Variants in E2F8 observed in about 807,000 individuals in gnomAD.
E2F8 encodes the protein transcription factor E2F8.
A neutral mutation model predicts 80.8 loss-of-function variants in E2F8; 35 were observed. The ratio of observed to expected loss-of-function variants is 0.43; its 90% CI spans 0.33 to 0.57. The LOEUF is 0.57. Among genes scored for constraint, E2F8 ranks in the 20% least tolerant of loss-of-function variants. The probability of loss-of-function intolerance (pLI) is 0.04; values close to 1 mark genes in which losing one functional copy is unlikely to be tolerated. For missense variants in E2F8, 975 were observed against 1,056.2 expected (o/e 0.92, Z 1.07); for synonymous variants, 386 against 395.0 (o/e 0.98, Z 0.27).
chr11:19,230,555 A>T, intron 8 of E2F8, 76 bp downstream of exon 8: 3 of 1,498,904 alleles, frequency 2.0e-6, no homozygotes, highest in Non-Finnish European at 2.8e-6. Context: ...CAACTATTGC[A>T]AGGATCAAGT....
intron 7 of E2F8, 34 bp from the exon 8 acceptor site, chr11:19,230,868 G>A (rs766283931): frequency 3.1e-6 from 5 of 1,606,032 alleles, no homozygotes; most frequent in South Asian, 2.2e-5. Context: ...TTAAAACCTG[G>A]ATGGCTCAGT....
rs1357241199 is a variant in E2F8, at chr11:19,230,810, G to A, written c.1091C>T (p.Thr364Ile). The part of the protein sequence containing the change: ...TSGSSPVIHF[T>I]PSDLEVRRSS... ...CCGTCTCACCTCCAAATCAGAGGGA[G>A]TAAAATGAATGACTGGGCTGGAGCC... Residue 364 changes from threonine to isoleucine, a missense_variant, in exon 8 of 13, where the codon ACT becomes ATT. Physicochemically the swap from Thr to Ile is moderately conservative, Grantham distance 89 (BLOSUM62 -1). Transcript: ENST00000250024. 6.2e-7 allele frequency: 1 copy of A among 1,614,010 alleles called. No homozygotes were observed. The highest frequency in any genetic ancestry group is 8.5e-7 in the Non-Finnish European group (1 of 1,179,998).
Position 19,229,913 on chromosome 11 carries a change from T to TG in E2F8, c.1433dup (p.Val479SerfsTer4). Reference sequence around the variant, plus strand: ...CTGTCAGCTCCATCTCAGCATTCACTGGGGGGTCCAGAGGGGCTACTGGTT... The same window carrying TG: ...CTGTCAGCTCCATCTCAGCATTCACTGGGGGGGTCCAGAGGGGCTACTGGTT... On this transcript the variant is annotated frameshift_variant, in exon 10 of 13. Coordinates refer to ENST00000250024, the MANE Select transcript of E2F8 (RefSeq NM_024680.4). LOFTEE classifies it high-confidence loss of function. This position sits in a 1 kb window ranked among gnomAD's most constrained non-coding sequence, Gnocchi z 4.3. 3 of 1,614,070 alleles carry TG rather than the reference T, an allele frequency of 1.9e-6. No individual in the cohort carries two copies. The highest frequency in any genetic ancestry group is 1.7e-6 in the Non-Finnish European group (2 of 1,180,010).
intron 6 of E2F8, 89 bp from the exon 7 acceptor site, chr11:19,232,460 G>T: frequency 2.6e-6 from 3 of 1,154,768 alleles, no homozygotes; most frequent in Non-Finnish European, 3.7e-6. Flanking sequence ...TATTCTAAGA[G>T]CTGTCTTAAC....
chr11:19,233,711 A>G (rs554947967), intron 6 of E2F8, among the ~76,000 whole-genome samples: 2 of 151,830 alleles, frequency 1.3e-5, no homozygotes, highest in Non-Finnish European at 2.9e-5. Flanking sequence ...GTTGGTCTGG[A>G]TCTCCTGACC....
chr11:19,241,057 A>G (rs1302914607), upstream of E2F8: 1 of 152,142 alleles, frequency 6.6e-6, no homozygotes, highest in African/African-American at 2.4e-5. The surrounding 1 kb of genome is among the most constrained non-coding windows in gnomAD (Gnocchi z 4.5). Flanking sequence ...ACAATTCCCG[A>G]CCAATCAGAG....
At position 19,225,413 on chromosome 11, in the gene E2F8, G is replaced by A. The variant is rs928197739; in HGVS notation, c.2229C>T (p.Leu743=). Residue 743 remains leucine (L), a synonymous_variant, in exon 12 of 13, where the codon CTC becomes CTT. Transcript: ENST00000250024. ...CAGACAACTGCACATTGGGTGAGATGAGTCCCAGGTGCTGCAGGGTGAAGT... is the reference window on the plus strand; with the variant it reads ...CAGACAACTGCACATTGGGTGAGATAAGTCCCAGGTGCTGCAGGGTGAAGT... ...IVNFTLQHLG[L]ISPNVQLSAS... 1.9e-6 allele frequency: 3 copies of A among 1,614,236 alleles called. No individual in the cohort carries two copies. Among genetic ancestry groups the A allele is most frequent in the East Asian group, 2.2e-5 (1 of 44,878 alleles).
At chr11:19,225,150 A>G (rs1276781360) in intron 12 of E2F8, 71 bp downstream of exon 12, 10 of 1,536,330 alleles carry the variant, frequency 6.5e-6, no homozygotes, top group South Asian at 2.6e-5. Flanking sequence ...GCAAAAGCCA[A>G]TCTCTTATGA....
In E2F8 at chr11:19,225,482, T is replaced by G; in HGVS notation, c.2160A>C (p.Ser720=). 1 of 1,614,112 alleles carries G rather than the reference T, an allele frequency of 6.2e-7. No individual in the cohort carries two copies. The part of the protein sequence containing the change: ...VPVGNSPALA[S]SHPVPIQNPS... ...GGTTCTGGATGGGAACAGGGTGGCT[T>G]GAAGCGAGAGCCGGGCTGTTCCCGA... The change falls in exon 12 of 13, where the codon TCA becomes TCC. Residue 720 remains serine (S), a synonymous_variant. Coordinates refer to ENST00000250024, the MANE Select transcript of E2F8 (RefSeq NM_024680.4).
intron 8 of E2F8, 38 bp downstream of exon 8, chr11:19,230,593 T>A: frequency 6.3e-7 from 1 of 1,597,538 alleles, no homozygotes; most frequent in Non-Finnish European, 8.6e-7. Context: ...TAAAAGGGAA[T>A]TCTTCCTAGC....
At chr11:19,232,717 A>G (rs1301223561) in intron 6 of E2F8, among the ~76,000 whole-genome samples, 2 of 152,220 alleles carry the variant, frequency 1.3e-5, no homozygotes, top group Non-Finnish European at 2.9e-5. Context: ...GAGGATTCAG[A>G]AGAATTTTAT....
intron 10 of E2F8, among the ~76,000 whole-genome samples, chr11:19,227,598 A>G (rs1326307476): frequency 1.3e-5 from 2 of 152,254 alleles, no homozygotes; most frequent in African/African-American, 4.8e-5. Flanking sequence ...CTTCTAGCCT[A>G]CAGTAGCCCT....
At chr11:19,234,647 G>T in intron 5 of E2F8, 97 bp downstream of exon 5, 3 of 1,525,426 alleles carry the variant, frequency 2.0e-6, no homozygotes, top group Non-Finnish European at 1.8e-6. Context: ...GAACATTAAA[G>T]GCAGCAGTAG....
At chr11:19,238,171 A>G (rs755234550) in intron 2 of E2F8, 39 bp from the exon 3 acceptor site, 2 of 1,564,848 alleles carry the variant, frequency 1.3e-6, no homozygotes. Flanking sequence ...CCATGGTAAA[A>G]CAGGATTTAT....
chr11:19,238,177 T>C, intron 2 of E2F8, 45 bp from the exon 3 acceptor site: 1 of 1,549,422 alleles, frequency 6.5e-7, no homozygotes, highest in Non-Finnish European at 8.7e-7. Context: ...TAAAACAGGA[T>C]TTATCAGACA....
rs768895278 is a variant in E2F8 at position 19,225,463 on chromosome 11, G to T, written c.2179C>A (p.Gln727Lys). ...TTTACAATGGCTGAGCTTGGGTTCT[G>T]GATGGGAACAGGGTGGCTTGAAGCG... ...ALASSHPVPIQNPSSAIVNFT... is the reference protein window; with the variant it reads ...ALASSHPVPIKNPSSAIVNFT... Residue 727 changes from glutamine (Q) to lysine (K), a missense_variant, in exon 12 of 13, where the codon CAG becomes AAG. Transcript: ENST00000250024. 2 of 1,614,232 alleles carry T rather than the reference G, an allele frequency of 1.2e-6. No individual in the cohort carries two copies. The highest frequency in any genetic ancestry group is 2.2e-5 in the South Asian group (2 of 91,084).
upstream of E2F8, chr11:19,241,472 C>T (rs1391283813): frequency 6.5e-6 from 1 of 152,808 alleles, no homozygotes; most frequent in African/African-American, 2.4e-5. The surrounding 1 kb of genome is among the most constrained non-coding windows in gnomAD (Gnocchi z 4.5). Context: ...ACCGCTGCCC[C>T]TCTCAGGCCC....
rs1437879302 is a variant in E2F8, at chr11:19,224,685, C to T, written c.2577G>A (p.Leu859=). 2 of 1,614,126 alleles carry T rather than the reference C, an allele frequency of 1.2e-6. No homozygotes were observed. Among genetic ancestry groups the T allele is most frequent in the Non-Finnish European group, 8.5e-7 (1 of 1,180,000 alleles). The change falls in exon 13 of 13, where the codon CTG becomes CTA. Residue 859 remains leucine (L), a synonymous_variant. Coordinates refer to ENST00000250024, the MANE Select transcript of E2F8 (RefSeq NM_024680.4). Reference sequence around the variant, plus strand: ...AATGGACATCCTCTGTTGAGACTTCCAGTTTTCGCTGTGGGACAAAGAGAG... The same window carrying T: ...AATGGACATCCTCTGTTGAGACTTCTAGTTTTCGCTGTGGGACAAAGAGAG... ...LGTLFVPQRK[L]EVSTEDVH is the part of the protein sequence containing the mutation.
intron 3 of E2F8, 118 bp downstream of exon 3, chr11:19,237,736 G>A: frequency 7.3e-7 from 1 of 1,362,018 alleles, no homozygotes; most frequent in South Asian, 1.4e-5. Context: ...TCCGAAGGAA[G>A]TTAATAACAG....
Sources: gnomAD v4.1 joint callset for allele counts (sites outside exome capture counted in the v4.1 genomes callset) on GRCh38, gnomAD v4.1.1 for gene constraint, Gnocchi (gnomAD v3.1) non-coding constraint, MANE v1.5 for transcripts, NCBI Gene and HGNC (gene_info 2026-07-23, HGNC 2026-07-21) for gene names.